RASAL2: variants seen among roughly 807,000 people sequenced by gnomAD.
RASAL2 encodes the protein ras GTPase-activating protein nGAP.
In RASAL2, 58 loss-of-function variants were observed where a neutral mutation model predicts 128.9. That is an observed-to-expected ratio of 0.45 (90% CI 0.36 to 0.56). The LOEUF is 0.56. Ranked by LOEUF, RASAL2 falls within the 20% of genes least tolerant of loss-of-function variation. The pLI is 0.00. For synonymous variants in RASAL2, 561 were observed against 580.8 expected, an observed-to-expected ratio of 0.97 and a Z score of 0.49; for missense variants, 1,360 against 1,601.6, an observed-to-expected ratio of 0.85 and a Z score of 2.57.
chr1:178,389,843 T>C (rs909723455), intron 3 of RASAL2, among the ~76,000 whole-genome samples: 3 of 152,202 alleles, frequency 2.0e-5, no homozygotes, highest in Non-Finnish European at 4.4e-5. Context: ...TAAACATAGC[T>C]CAGAGGAAAT....
At chr1:178,130,836 C>T (rs1012170128) in intron 1 of RASAL2, among the ~76,000 whole-genome samples, 34 of 152,044 alleles carry the variant, frequency 2.2e-4, no homozygotes, top group African/African-American at 6.5e-4. Context: ...GGGCGGATCA[C>T]GAGGTCAGGA....
chr1:178,185,998 T>G (rs569615528), intron 1 of RASAL2, among the ~76,000 whole-genome samples: 1 of 152,224 alleles, frequency 6.6e-6, no homozygotes, highest in South Asian at 2.1e-4. Flanking sequence ...AATTTACCAT[T>G]GAAACTATCT....
chr1:178,178,501 C>T (rs1470003564), intron 1 of RASAL2, among the ~76,000 whole-genome samples: 1 of 152,138 alleles, frequency 6.6e-6, no homozygotes, highest in Non-Finnish European at 1.5e-5. Flanking sequence ...ATTTATTACA[C>T]ATAAATTATA....
intron 5 of RASAL2, among the ~76,000 whole-genome samples, chr1:178,430,105 G>A: frequency 6.6e-6 from 1 of 152,242 alleles, no homozygotes; most frequent in South Asian, 2.1e-4. Context: ...CACAATGACT[G>A]TCCTATTGAG....
intron 3 of RASAL2, among the ~76,000 whole-genome samples, chr1:178,353,691 G>A (rs1267332298): frequency 1.3e-5 from 2 of 152,154 alleles, no homozygotes; most frequent in Non-Finnish European, 2.9e-5. Flanking sequence ...TGGCTATGAT[G>A]TAATCCAGTA....
At chr1:178,191,490 T>A (rs111341812) in intron 1 of RASAL2, among the ~76,000 whole-genome samples, 3 of 152,274 alleles carry the variant, frequency 2.0e-5, no homozygotes, top group East Asian at 3.9e-4. Context: ...CTGGTAACAG[T>A]TTGTGGATCA....
chr1:178,381,023 G>A (rs1672253153), intron 3 of RASAL2, among the ~76,000 whole-genome samples: 1 of 152,162 alleles, frequency 6.6e-6, no homozygotes, highest in African/African-American at 2.4e-5. Context: ...CTAAGAGTTG[G>A]CAGATATGTA....
chr1:178,145,681 G>A (rs1339622640), intron 1 of RASAL2, among the ~76,000 whole-genome samples: 2 of 152,136 alleles, frequency 1.3e-5, no homozygotes, highest in Non-Finnish European at 2.9e-5. Flanking sequence ...GTAGGAACGG[G>A]TAGTCATTAA....
intron 3 of RASAL2, among the ~76,000 whole-genome samples, chr1:178,353,978 AAAG>A (rs762886162): frequency 2.3e-4 from 35 of 152,112 alleles, no homozygotes; most frequent in Non-Finnish European, 4.4e-4. Context: ...TCCAAAAAAA[AAAG>A]AAGAAGGAAG....
At chr1:178,175,037 C>T (rs1357654376) in intron 1 of RASAL2, among the ~76,000 whole-genome samples, 1 of 151,994 alleles carries the variant, frequency 6.6e-6, no homozygotes, top group African/African-American at 2.4e-5. Context: ...ATAAGGAGGT[C>T]CTAGATTTTA....
chr1:178,390,312 ATTTCTTTAT>A, intron 4 of RASAL2, 106 bp downstream of exon 4: 1 of 746,806 alleles, frequency 1.3e-6, no homozygotes, highest in Non-Finnish European at 2.1e-6. Context: ...CTCTTCAAGA[ATTTCTTTAT>A]AATTCTGTGA....
Position 178,477,989 on chromosome 1 carries a change from C to T in RASAL2, c.*4750C>T, listed in dbSNP as rs1222477810. On this transcript the variant is annotated 3_prime_UTR_variant, in exon 18 of 18. Coordinates refer to ENST00000367649, the MANE Select transcript of RASAL2 (RefSeq NM_170692.4). ...AGTTTCAGTTCCTGATCAGTTAAGC[C>T]TCAAGTGTTTGAGTAACCAACACAG... 1 of 152,114 alleles carries T rather than the reference C, an allele frequency of 6.6e-6. No individual in the cohort carries two copies. Among genetic ancestry groups the T allele is most frequent in the African/African-American group, 2.4e-5 (1 of 41,404 alleles). 9.4% of individuals were successfully genotyped at this position (152,114 alleles called of 1,614,324 possible).
intron 1 of RASAL2, among the ~76,000 whole-genome samples, chr1:178,102,624 T>C (rs1318757241): frequency 6.6e-6 from 1 of 152,208 alleles, no homozygotes; most frequent in East Asian, 1.9e-4. Flanking sequence ...TGCATATATT[T>C]TACATTCTAC....
chr1:178,156,803 A>C (rs1244714969), intron 1 of RASAL2, among the ~76,000 whole-genome samples: 1 of 152,226 alleles, frequency 6.6e-6, no homozygotes, highest in Non-Finnish European at 1.5e-5. Flanking sequence ...AAAGCCTGAT[A>C]CAGTGATATT....
chr1:178,125,274 A>C (rs1273394250), intron 1 of RASAL2: 1 of 152,142 alleles, frequency 6.6e-6, no homozygotes, highest in African/African-American at 2.4e-5. Context: ...GTAGTTGCTG[A>C]GAATATATTT....
chr1:178,185,436 G>T (rs1324587070), intron 1 of RASAL2, among the ~76,000 whole-genome samples: 1 of 151,936 alleles, frequency 6.6e-6, no homozygotes, highest in African/African-American at 2.4e-5. Flanking sequence ...TCATCATTAA[G>T]TATGTTAGTT....
In RASAL2 at chr1:178,451,753, G is replaced by A. The variant is rs369872174; in HGVS notation, c.1772+38G>A. The A allele has an allele frequency of 1.9e-5, 30 of 1,592,900 alleles. No individual in the cohort carries two copies. The African/African-American group carries it at 3.5e-4, about 19-fold the overall frequency. On this transcript the variant is annotated intron_variant, in intron 10 of 17. Coordinates refer to ENST00000367649, the MANE Select transcript of RASAL2 (RefSeq NM_170692.4). ...TATCCTCTGCCTTACATTTTTTCAT[G>A]TAAAGGTCATCACAGTGGAACTTAC...
intron 3 of RASAL2, among the ~76,000 whole-genome samples, chr1:178,304,987 T>C (rs1293543031): frequency 6.6e-6 from 1 of 152,068 alleles, no homozygotes; most frequent in Non-Finnish European, 1.5e-5. Context: ...CAAAAATCAG[T>C]GGCATTTCTG....
intron 14 of RASAL2, among the ~76,000 whole-genome samples, chr1:178,463,903 TAGACTTTTATGGCATAAA>T (rs918433141): frequency 3.3e-5 from 5 of 152,108 alleles, no homozygotes; most frequent in African/African-American, 1.2e-4. Flanking sequence ...AATCATCAAA[TAGACTTTTATGGCATAAA>T]AGACTTTTAT....
Sources: gnomAD v4.1 joint callset for allele counts (sites outside exome capture counted in the v4.1 genomes callset) on GRCh38, gnomAD v4.1.1 for gene constraint, MANE v1.5 for transcripts, NCBI Gene and HGNC (gene_info 2026-07-23, HGNC 2026-07-21) for gene names.